ZNF761: variants seen among roughly 807,000 people sequenced by gnomAD.
ZNF761 encodes zinc finger protein 761.
Under a neutral mutation model 59.9 loss-of-function variants are expected in ZNF761, and 43 were observed. That is an observed-to-expected ratio of 0.72 (90% CI 0.56 to 0.92). The LOEUF is 0.92. Ranked by LOEUF, ZNF761 falls within the 40% of genes least tolerant of loss-of-function variation. The pLI is 0.00. For missense variants in ZNF761, 850 were observed against 906.1 expected (o/e 0.94, Z 0.79); for synonymous variants, 294 against 304.8 (o/e 0.96, Z 0.37).
chr19:53,439,242 G>A (rs1167905159), intron 1 of ZNF761, among the ~76,000 whole-genome samples: 1 of 145,830 alleles, frequency 6.9e-6, no homozygotes, highest in Non-Finnish European at 1.5e-5. Flanking sequence ...CTACACTCTA[G>A]CCTTGGTGAC....
Position 53,432,001 on chromosome 19 carries a change from G to A in ZNF761, c.-212G>A, listed in dbSNP as rs373399289. ...ATTCGTGCAGACCAGGAAGCGGATA[G>A]CGTGGAGTGACGGTGCCACCGCGGC... is the stretch of plus-strand genomic sequence containing the variant. On this transcript the variant is annotated 5_prime_UTR_variant, in exon 1 of 5. Coordinates refer to ENST00000684525, the MANE Select transcript of ZNF761 (RefSeq NM_001289951.2). 2.0e-5 allele frequency: 3 copies of A among 152,936 alleles called. No homozygotes were observed. The highest frequency in any genetic ancestry group is 4.4e-5 in the Non-Finnish European group (3 of 68,462). The allele number at this position is 152,936 out of a possible 1,614,324, so 9.5% of individuals were successfully genotyped here.
Position 53,455,577 on chromosome 19 carries a change from A to G in ZNF761, c.1070A>G (p.Asn357Ser), listed in dbSNP as rs776305852. 5 of 1,614,144 alleles carry G rather than the reference A, an allele frequency of 3.1e-6. No homozygotes were observed. The highest frequency in any genetic ancestry group is 4.2e-6 in the Non-Finnish European group (5 of 1,180,002). ...LHTGEKPYKC[N>S]ECGKTFSHKS... The stretch of plus-strand genomic sequence containing the variant: ...ACTGGAGAGAAACCTTACAAGTGTA[A>G]TGAGTGTGGCAAGACCTTTAGTCAC... The change falls in exon 5 of 5, where the codon AAT (asparagine) becomes AGT (serine). Residue 357 changes from asparagine to serine, a missense_variant. Physicochemically the swap from Asn to Ser is conservative, Grantham distance 46. Coordinates refer to ENST00000684525, the MANE Select transcript of ZNF761 (RefSeq NM_001289951.2).
chr19:53,450,537 A>C (rs778337838), intron 4 of ZNF761, among the ~76,000 whole-genome samples: 2 of 151,746 alleles, frequency 1.3e-5, no homozygotes, highest in African/African-American at 2.4e-5. Context: ...TTCATTTCTC[A>C]TTTACTACTT....
At chr19:53,449,822 T>G in intron 4 of ZNF761, 184 bp downstream of exon 4, 1 of 1,386,156 alleles carries the variant, frequency 7.2e-7, no homozygotes, top group South Asian at 1.4e-5. Context: ...CCCCGGTAGC[T>G]GGTACAGGTG....
At chr19:53,450,455 A>G (rs1165224502) in intron 4 of ZNF761, 2 of 152,256 alleles carry the variant, frequency 1.3e-5, no homozygotes, top group Non-Finnish European at 2.9e-5. Context: ...TGGAAGTATT[A>G]CTGATGGAGA....
intron 3 of ZNF761, among the ~76,000 whole-genome samples, chr19:53,448,770 A>G (rs1388933995): frequency 8.3e-6 from 1 of 119,968 alleles, no homozygotes; most frequent in East Asian, 2.3e-4. Context: ...CACCATGGCT[A>G]GCTAATTTTT....
At chr19:53,447,879 C>T (rs947013351) in intron 3 of ZNF761, among the ~76,000 whole-genome samples, 1 of 152,158 alleles carries the variant, frequency 6.6e-6, no homozygotes, top group African/African-American at 2.4e-5. Flanking sequence ...TGAACAATAG[C>T]AGGAGATTCA....
rs1292749837 is a variant in ZNF761, at chr19:53,439,394, C to T, written c.-184-6833C>T. 2.0e-5 allele frequency among the ~76,000 whole-genome samples: 3 copies of T among 152,118 alleles called. No individual in the cohort carries two copies. The East Asian group carries it at 5.8e-4, about 30-fold the overall frequency. On this transcript the variant is annotated intron_variant, in intron 1 of 4. Coordinates refer to ENST00000684525, the MANE Select transcript of ZNF761 (RefSeq NM_001289951.2). Reference sequence around the variant, plus strand: ...GGTCTCGGCTCACTGTAAGCTCTGCCTCCCTGGTTCACGCCATTCTCCTGC... The same window carrying T: ...GGTCTCGGCTCACTGTAAGCTCTGCTTCCCTGGTTCACGCCATTCTCCTGC...
At chr19:53,448,605 C>G (rs2086185807) in intron 3 of ZNF761, among the ~76,000 whole-genome samples, 1 of 151,922 alleles carries the variant, frequency 6.6e-6, no homozygotes, top group Non-Finnish European at 1.5e-5. Context: ...TTTGACTAAT[C>G]TAGTTTTCAT....
In ZNF761 at chr19:53,447,117, C is replaced by A. The variant is rs1390461520; in HGVS notation, c.-73-79C>A. The A allele has an allele frequency of 4.9e-5, 44 of 889,928 alleles. 1 individual carries two copies. In the South Asian group the frequency reaches 7.7e-4, roughly 16 times the overall value. The allele number at this position is 889,928 out of a possible 1,614,324, so 55.1% of individuals were successfully genotyped here. ...GGGACCATATTTCCCAGGGTGAGGT[C>A]GCCTTTGTATGTGTGGTTGTGTTCC... On this transcript the variant is annotated intron_variant, in intron 2 of 4. Coordinates refer to ENST00000684525, the MANE Select transcript of ZNF761 (RefSeq NM_001289951.2).
intron 1 of ZNF761, among the ~76,000 whole-genome samples, chr19:53,439,380 A>G (rs1194607055): frequency 1.3e-5 from 2 of 151,638 alleles, no homozygotes; most frequent in Non-Finnish European, 2.9e-5. Flanking sequence ...GTCTCGGCTC[A>G]CTGTAAGCTC....
At chr19:53,445,696 A>T (rs560846932) in intron 1 of ZNF761, among the ~76,000 whole-genome samples, 68 of 152,282 alleles carry the variant, frequency 4.5e-4, no homozygotes, top group African/African-American at 1.2e-3. Context: ...ATTAAAAAAA[A>T]TTTTTTAAAA....
intron 1 of ZNF761, chr19:53,444,719 G>A (rs1431419504): frequency 2.0e-5 from 3 of 152,218 alleles, no homozygotes; most frequent in Non-Finnish European, 4.4e-5. Flanking sequence ...TATCCCAGCT[G>A]ATGAGAAATA....
rs147408282 is a variant in ZNF761, at chr19:53,438,883, G to A, written c.-185+6855G>A. Among the ~76,000 whole-genome samples, 817 of 152,274 alleles carry A rather than the reference G, an allele frequency of 5.4e-3. 2 individuals are homozygous for A. Among genetic ancestry groups the A allele is most frequent in the Non-Finnish European group, 8.9e-3 (607 of 68,022 alleles). On this transcript the variant is annotated intron_variant, in intron 1 of 4. Coordinates refer to ENST00000684525, the MANE Select transcript of ZNF761 (RefSeq NM_001289951.2). ...CCCGATAACACTCCTCTCAGGTTGG[G>A]GCAGGCAAAGAAAGCTCGTCTATGT...
At chr19:53,438,323 A>G (rs1487678355) in intron 1 of ZNF761, among the ~76,000 whole-genome samples, 2 of 152,224 alleles carry the variant, frequency 1.3e-5, no homozygotes, top group African/African-American at 4.8e-5. Context: ...TGTTAACAAG[A>G]TGGTGGCAGC....
At position 53,457,423 on chromosome 19, in the gene ZNF761, A is replaced by G; in HGVS notation, c.*675A>G. ...AGAGAAACCTCACATGTGTGATGAT[A>G]GTGGCAAAGCCTTCACTTCACACCT... is the stretch of plus-strand genomic sequence containing the variant. On this transcript the variant is annotated 3_prime_UTR_variant, in exon 5 of 5. Coordinates refer to ENST00000684525, the MANE Select transcript of ZNF761 (RefSeq NM_001289951.2). The G allele has an allele frequency of 2.5e-6, 1 of 400,178 alleles. No individual in the cohort carries two copies. Among genetic ancestry groups the G allele is most frequent in the Non-Finnish European group, 5.0e-6 (1 of 200,682 alleles). The allele number at this position is 400,178 out of a possible 1,614,324, so 24.8% of individuals were successfully genotyped here.
chr19:53,444,232 G>A (rs2086130332), intron 1 of ZNF761: 1 of 152,178 alleles, frequency 6.6e-6, no homozygotes, highest in African/African-American at 2.4e-5. Flanking sequence ...GAAAGAGGAA[G>A]ACCTCTTTGC....
intron 3 of ZNF761, among the ~76,000 whole-genome samples, chr19:53,448,420 C>G (rs375649544): frequency 1.3e-5 from 2 of 152,218 alleles, no homozygotes; most frequent in African/African-American, 2.4e-5. Context: ...TAATGCATCT[C>G]CTTTCCCTGT....
At chr19:53,446,948 G>T (rs1485637796) in intron 2 of ZNF761, among the ~76,000 whole-genome samples, 1 of 135,006 alleles carries the variant, frequency 7.4e-6, no homozygotes, top group Non-Finnish European at 1.6e-5. Flanking sequence ...TCAGGGCTGG[G>T]TCTAGGGACC....
Sources: gnomAD v4.1 joint callset for allele counts (sites outside exome capture counted in the v4.1 genomes callset) on GRCh38, gnomAD v4.1.1 for gene constraint, MANE v1.5 for transcripts, NCBI Gene and HGNC (gene_info 2026-07-23, HGNC 2026-07-21) for gene names.